The following SNX29 variants were observed in gnomAD, a reference collection of about 807,000 sequenced individuals.
The protein encoded by SNX29 is sorting nexin 29, also known as sorting nexin-29.
Under a neutral mutation model 102.1 loss-of-function variants are expected in SNX29, and 78 were observed. The ratio of observed to expected loss-of-function variants is 0.76; its 90% CI spans 0.64 to 0.92. The LOEUF is 0.92. Ranked by LOEUF, SNX29 falls within the 40% of genes least tolerant of loss-of-function variation. The pLI, the probability that SNX29 is intolerant of heterozygous loss-of-function variation, is 0.00. For missense variants in SNX29, 1,280 were observed against 1,061.7 expected, an observed-to-expected ratio of 1.21 and a Z score of -2.86; for synonymous variants, 580 against 414.5, an observed-to-expected ratio of 1.40 and a Z score of -4.85.
At position 12,568,577 on chromosome 16, in the gene SNX29, G is replaced by A. The variant is rs199674908; in HGVS notation, c.2390G>A (p.Arg797Gln). The A allele has an allele frequency of 1.2e-4, 197 of 1,607,502 alleles. 1 individual carries two copies. The highest frequency in any genetic ancestry group is 3.8e-4 in the Admixed American group (23 of 60,000). Residue 797 changes from arginine (R) to glutamine (Q), a missense_variant, in exon 21 of 21, where the codon CGG (arginine) becomes CAG (glutamine). Coordinates refer to ENST00000566228, the MANE Select transcript of SNX29 (RefSeq NM_032167.5). ...KAASRFPKLSRGQPRETRNVE... is the reference protein window; with the variant it reads ...KAASRFPKLSQGQPRETRNVE... ...GCTTCCCGCTTCCCCAAACTGTCCCGGGGTCAGCCCCGGGAGACCCGCAAC... is the reference window on the plus strand; with the variant it reads ...GCTTCCCGCTTCCCCAAACTGTCCCAGGGTCAGCCCCGGGAGACCCGCAAC...
chr16:12,118,831 G>T (rs1309587789), intron 11 of SNX29, among the ~76,000 whole-genome samples: 1 of 152,114 alleles, frequency 6.6e-6, no homozygotes, highest in Non-Finnish European at 1.5e-5. Context: ...CGAGGCTGCT[G>T]TGGGAGTTCC....
At chr16:12,337,593 C>T (rs775156392) in intron 15 of SNX29, among the ~76,000 whole-genome samples, 5 of 152,146 alleles carry the variant, frequency 3.3e-5, no homozygotes, top group Admixed American at 1.3e-4. Flanking sequence ...CCTCCCACCT[C>T]GGCCTGCGAA....
chr16:12,037,935 A>G (rs2057521700), intron 4 of SNX29, among the ~76,000 whole-genome samples: 1 of 151,916 alleles, frequency 6.6e-6, no homozygotes, highest in African/African-American at 2.4e-5. Context: ...AGCCTGGGCG[A>G]CAGAGTGAGA....
At chr16:12,197,861 T>A (rs1727754991) in intron 13 of SNX29, among the ~76,000 whole-genome samples, 1 of 152,052 alleles carries the variant, frequency 6.6e-6, no homozygotes, top group Admixed American at 6.5e-5. Context: ...TCCTTTTTTT[T>A]TTTTTCTGCC....
chr16:12,537,204 T>C (rs1337834345), intron 20 of SNX29, among the ~76,000 whole-genome samples: 1 of 152,202 alleles, frequency 6.6e-6, no homozygotes, highest in East Asian at 1.9e-4. Flanking sequence ...CCTAAATTGC[T>C]GAGCTTAGAG....
intron 20 of SNX29, 84 bp downstream of exon 20, chr16:12,524,925 G>A (rs2076737769): frequency 7.1e-6 from 11 of 1,553,756 alleles, no homozygotes; most frequent in South Asian, 2.4e-5. Flanking sequence ...GGAGCACAGC[G>A]GCTCTCCGTG....
At chr16:12,033,608 T>G (rs2057399684) in intron 4 of SNX29, among the ~76,000 whole-genome samples, 2 of 151,874 alleles carry the variant, frequency 1.3e-5, no homozygotes, top group African/African-American at 4.8e-5. Context: ...GTTTTCTTTT[T>G]TCTTTTTTTT....
Position 12,409,181 on chromosome 16 carries a change from G to A in SNX29, c.2037+5652G>A, listed in dbSNP as rs118019506. Among the ~76,000 whole-genome samples, 385 of 152,266 alleles carry A rather than the reference G, an allele frequency of 2.5e-3. 1 individual carries two copies. Among genetic ancestry groups the A allele is most frequent in the Non-Finnish European group, 3.2e-3 (218 of 68,020 alleles). ...GCGTGGCTGCTGGCAGGCACTAGCC[G>A]GAGACAAAATGATTAAGGAGTGTCA... On this transcript the variant is annotated intron_variant, in intron 18 of 20. Coordinates refer to ENST00000566228, the MANE Select transcript of SNX29 (RefSeq NM_032167.5).
intron 4 of SNX29, among the ~76,000 whole-genome samples, chr16:12,032,788 T>G (rs1052394028): frequency 6.6e-6 from 1 of 151,906 alleles, no homozygotes; most frequent in Non-Finnish European, 1.5e-5. Context: ...GCATTCCCAC[T>G]AGCAATGCAC....
Position 12,098,369 on chromosome 16 carries a change from C to T in SNX29, c.1402+19454C>T, listed in dbSNP as rs2052858407. Among the ~76,000 whole-genome samples the T allele has an allele frequency of 6.6e-6, 1 of 152,204 alleles. No homozygotes were observed. Among genetic ancestry groups the T allele is most frequent in the East Asian group, 1.9e-4 (1 of 5,200 alleles). On this transcript the variant is annotated intron_variant, in intron 11 of 20. Coordinates refer to ENST00000566228, the MANE Select transcript of SNX29 (RefSeq NM_032167.5). This position sits in a 1 kb window ranked among gnomAD's most constrained non-coding sequence, Gnocchi z 6.0. ...CACATCAGCCACCTTGCTCCCCGTC[C>T]AGGACTCTAACCATTGGAGTTCACC...
At chr16:12,058,719 C>G (rs546058631) in intron 8 of SNX29, among the ~76,000 whole-genome samples, 128 of 151,064 alleles carry the variant, frequency 8.5e-4, no homozygotes, top group Non-Finnish European at 1.6e-3. Context: ...GTCTTGAACT[C>G]CTGACCTCAG....
At chr16:12,356,434 GA>G (rs2082139505) in intron 16 of SNX29, among the ~76,000 whole-genome samples, 155 bp downstream of exon 16, 1 of 152,194 alleles carries the variant, frequency 6.6e-6, no homozygotes, top group Admixed American at 6.5e-5. Context: ...TTTTTATGGG[GA>G]GGGGGTAGAA....
intron 20 of SNX29, among the ~76,000 whole-genome samples, chr16:12,550,838 T>G (rs1358002927): frequency 1.3e-5 from 2 of 152,204 alleles, no homozygotes; most frequent in African/African-American, 4.8e-5. Context: ...TTACAGATGA[T>G]TTTTGAGCAG....
At chr16:12,307,851 G>A (rs564278439) in intron 15 of SNX29, among the ~76,000 whole-genome samples, 45 of 152,324 alleles carry the variant, frequency 3.0e-4, no homozygotes, top group Non-Finnish European at 4.9e-4. Flanking sequence ...TCATGGTGAC[G>A]TTCACTTCCC....
intron 20 of SNX29, among the ~76,000 whole-genome samples, chr16:12,551,087 T>C (rs914570726): frequency 6.6e-6 from 1 of 152,108 alleles, no homozygotes; most frequent in Non-Finnish European, 1.5e-5. Context: ...TGTGATCCTC[T>C]CTTTGCTTGG....
intron 15 of SNX29, among the ~76,000 whole-genome samples, chr16:12,343,830 A>C (rs969007511): frequency 1.3e-5 from 2 of 152,222 alleles, no homozygotes; most frequent in African/African-American, 4.8e-5. Flanking sequence ...ACGTGAATGA[A>C]TGACTGAATA....
intron 18 of SNX29, among the ~76,000 whole-genome samples, chr16:12,436,451 T>C (rs990945897): frequency 6.6e-6 from 1 of 152,250 alleles, no homozygotes; most frequent in Non-Finnish European, 1.5e-5. Flanking sequence ...CGCGAGCACC[T>C]GGCTGCTTTC....
chr16:12,490,915 C>T (rs2088512978), intron 19 of SNX29, among the ~76,000 whole-genome samples: 1 of 152,274 alleles, frequency 6.6e-6, no homozygotes, highest in Non-Finnish European at 1.5e-5. Flanking sequence ...TGCACCTTTT[C>T]TCCCAGAAGG....
intron 6 of SNX29, among the ~76,000 whole-genome samples, chr16:12,047,322 C>G (rs1239358499): frequency 6.6e-6 from 1 of 152,156 alleles, no homozygotes; most frequent in Non-Finnish European, 1.5e-5. Context: ...AACTTGCTTC[C>G]TCTTTCCAAG....
Sources: gnomAD v4.1 joint callset for allele counts (sites outside exome capture counted in the v4.1 genomes callset) on GRCh38, gnomAD v4.1.1 for gene constraint, Gnocchi (gnomAD v3.1) non-coding constraint, MANE v1.5 for transcripts, NCBI Gene and HGNC (gene_info 2026-07-23, HGNC 2026-07-21) for gene names.